The following CPT1C variants were observed in gnomAD, a reference collection of about 807,000 sequenced individuals.
CPT1C encodes the protein carnitine palmitoyltransferase 1C.
In CPT1C, 61 loss-of-function variants were observed where a neutral mutation model predicts 97.3. That is an observed-to-expected ratio of 0.63 (90% confidence interval 0.51 to 0.78). The LOEUF (loss-of-function observed/expected upper bound fraction) is 0.78, where lower values mean the gene tolerates loss of function less well. Among genes scored for constraint, CPT1C ranks in the 30% least tolerant of loss-of-function variants. CPT1C has a pLI of 0.00. For synonymous variants in CPT1C, 469 were observed against 447.2 expected, an observed-to-expected ratio of 1.05 and a Z score of -0.61; for missense variants, 975 against 1,065.5, an observed-to-expected ratio of 0.92 and a Z score of 1.18.
intron 5 of CPT1C, 43 bp from the exon 6 acceptor site, chr19:49,701,274 G>T: frequency 1.3e-6 from 2 of 1,551,450 alleles, no homozygotes; most frequent in Non-Finnish European, 8.8e-7. Flanking sequence ...CAACTCCCTG[G>T]CTCCGGTGAG....
chr19:49,699,894 C>T (rs1023821069), intron 4 of CPT1C, among the ~76,000 whole-genome samples: 2 of 152,070 alleles, frequency 1.3e-5, no homozygotes, highest in East Asian at 3.9e-4. Context: ...ATGGAGGTTG[C>T]AGTGAGCCGA....
At chr19:49,704,193 C>T (rs865778609) in intron 7 of CPT1C, among the ~76,000 whole-genome samples, 1 of 151,856 alleles carries the variant, frequency 6.6e-6, no homozygotes, top group Non-Finnish European at 1.5e-5. Context: ...TTGGGGGGGA[C>T]GGAGTTTCAC....
rs761851205 is a variant in CPT1C, at chr19:49,701,561, A to G, written c.620A>G (p.Gln207Arg). 2.2e-5 allele frequency: 35 copies of G among 1,611,970 alleles called. No homozygotes were observed. The highest frequency in any genetic ancestry group is 2.9e-5 in the Non-Finnish European group (34 of 1,178,960). The change falls in exon 7 of 20, where the codon CAG becomes CGG. Residue 207 changes from glutamine to arginine, a missense_variant. Physicochemically the swap from Gln to Arg is conservative, Grantham distance 43 (BLOSUM62 1). Around this residue, in one of 3 missense-constraint regions of CPT1C, gnomAD observed 596 missense variants for 603.1 expected, o/e 0.99. Coordinates refer to ENST00000598293, the MANE Select transcript of CPT1C (RefSeq NM_001199753.2). ...EDFDWTAVLA[Q>R]EFLRLQASLL... ...TTCGACTGGACCGCGGTCCTGGCGC[A>G]GGAATTCCTGAGGCTGCAGGCGTCG...
Position 49,704,838 on chromosome 19 carries a change from G to T in CPT1C, c.771+51G>T, listed in dbSNP as rs371889665. On this transcript the variant is annotated intron_variant, in intron 8 of 19. Coordinates refer to ENST00000598293, the MANE Select transcript of CPT1C (RefSeq NM_001199753.2). ...TAGGCCCCAGGTCTAGGGTTGGGGG[G>T]TACCTGGGCGGAATGTGACGGTCAT... is the stretch of plus-strand genomic sequence containing the variant. 2.6e-6 allele frequency: 4 copies of T among 1,544,546 alleles called. No homozygotes were observed. In the African/African-American group the frequency reaches 5.4e-5, roughly 21 times the overall value.
chr19:49,701,530 G>T lies in CPT1C; in HGVS notation c.589G>T (p.Glu197Ter), dbSNP rs749791796. The change falls in exon 7 of 20, where the codon GAG (glutamate) becomes TAG (stop). Residue 197 changes from glutamate to a stop codon, truncating the protein, a stop_gained. Coordinates refer to ENST00000598293, the MANE Select transcript of CPT1C (RefSeq NM_001199753.2). LOFTEE classifies it high-confidence loss of function. ...GTCGGTCCGGCCCATCCTCTCCGAC[G>T]AGGACTTCGACTGGACCGCGGTCCT... ...LESVRPILSD[E>*]DFDWTAVLAQ... 3.7e-6 allele frequency: 6 copies of T among 1,611,886 alleles called. No homozygotes were observed. In the African/African-American group the frequency reaches 6.7e-5, roughly 18 times the overall value.
intron 3 of CPT1C, 40 bp downstream of exon 3, chr19:49,692,433 G>A (rs1469745611): frequency 1.2e-6 from 2 of 1,608,348 alleles, no homozygotes; most frequent in Non-Finnish European, 1.7e-6. Flanking sequence ...CGGGGATCCA[G>A]GTTTCTGCTT....
In CPT1C at chr19:49,710,326, T is replaced by A; in HGVS notation, c.1573T>A (p.Ser525Thr). 2 of 1,613,890 alleles carry A rather than the reference T, an allele frequency of 1.2e-6. No homozygotes were observed. ...TTCCCTCCTCCTCTGGCAGATCCAC[T>A]CCTCCATCTCTCTAGCCCTGAGGGG... The part of the protein sequence containing the change: ...LQWDLPDQIH[S>T]SISLALRGAK... The change falls in exon 15 of 20, where the codon TCC becomes ACC. Residue 525 changes from serine (S) to threonine (T), a missense_variant. Ser to Thr is a moderately conservative substitution (Grantham distance 58). This residue lies in a region of CPT1C where 344 missense variants were observed against 395.7 expected (regional missense o/e 0.87). Coordinates refer to ENST00000598293, the MANE Select transcript of CPT1C (RefSeq NM_001199753.2).
rs371168897 is a variant in CPT1C, at chr19:49,710,388, C to A, written c.1635C>A (p.Val545=). The change falls in exon 15 of 20, where the codon GTC becomes GTA. Residue 545 remains valine, a synonymous_variant. Transcript: ENST00000598293. ...TGTCTGAAAATGTCGACTGCCATGTCGTTCCATTCTCCCTATTTGGCAAGA... is the reference window on the plus strand; with the variant it reads ...TGTCTGAAAATGTCGACTGCCATGTAGTTCCATTCTCCCTATTTGGCAAGA... The part of the protein sequence containing the change: ...KILSENVDCH[V]VPFSLFGKSF... 1.9e-6 allele frequency: 3 copies of A among 1,614,146 alleles called. No homozygotes were observed. The highest frequency in any genetic ancestry group is 3.3e-5 in the Admixed American group (2 of 60,000).
chr19:49,710,881 C>A, intron 16 of CPT1C, 24 bp downstream of exon 16: 1 of 1,592,730 alleles, frequency 6.3e-7, no homozygotes. Context: ...TCGCTTGAGG[C>A]TTCAGTTATT....
In CPT1C at chr19:49,713,009, T is replaced by A; in HGVS notation, c.2171T>A (p.Met724Lys). The A allele has an allele frequency of 1.2e-6, 2 of 1,614,092 alleles. No individual in the cohort carries two copies. The highest frequency in any genetic ancestry group is 1.7e-6 in the Non-Finnish European group (2 of 1,180,004). The change falls in exon 19 of 20, where the codon ATG (methionine) becomes AAG (lysine). Residue 724 changes from methionine (M) to lysine (K), a missense_variant. By Grantham distance (95) the Met-to-Lys change is moderately conservative. This residue lies in a region of CPT1C where 344 missense variants were observed against 395.7 expected (regional missense o/e 0.87). Transcript: ENST00000598293. Reference sequence around the variant, plus strand: ...GGTTATGGTGTTTCTTATATCTTCATGGGGGATGGCATGATCACCTTCCAC... The same window carrying A: ...GGTTATGGTGTTTCTTATATCTTCAAGGGGGATGGCATGATCACCTTCCAC... ...DHGYGVSYIFMGDGMITFHIS... is the reference protein window; with the variant it reads ...DHGYGVSYIFKGDGMITFHIS...
At chr19:49,710,574 T>G (rs1321538783) in intron 15 of CPT1C, 90 bp downstream of exon 15, 3 of 1,575,936 alleles carry the variant, frequency 1.9e-6, no homozygotes, top group African/African-American at 2.7e-5. Context: ...TTGTGGTCGC[T>G]GCCATTGTGG....
intron 7 of CPT1C, among the ~76,000 whole-genome samples, chr19:49,702,380 G>A (rs965560624): frequency 9.3e-5 from 14 of 150,960 alleles, no homozygotes; most frequent in African/African-American, 3.4e-4. Flanking sequence ...CAGGTTGCGA[G>A]GCCAAGGCAG....
In CPT1C at chr19:49,692,249, T is replaced by G. The variant is rs1316091085; in HGVS notation, c.-4T>G. Reference sequence around the variant, plus strand: ...CTCTGCCCGACTCAGGGCTCCAGCGTGACATGGCTGAAGCGCACCAGGCCG... The same window carrying G: ...CTCTGCCCGACTCAGGGCTCCAGCGGGACATGGCTGAAGCGCACCAGGCCG... On this transcript the variant is annotated 5_prime_UTR_variant, in exon 3 of 20. Coordinates refer to ENST00000598293, the MANE Select transcript of CPT1C (RefSeq NM_001199753.2). 6.2e-7 allele frequency: 1 copy of G among 1,613,488 alleles called. No homozygotes were observed. The highest frequency in any genetic ancestry group is 2.2e-5 in the East Asian group (1 of 44,876).
At chr19:49,709,581 G>A (rs2083722984) in intron 14 of CPT1C, among the ~76,000 whole-genome samples, 2 of 145,054 alleles carry the variant, frequency 1.4e-5, no homozygotes. Context: ...TTGAGATGGA[G>A]TCCCGCTCTG....
chr19:49,709,408 A>T (rs958734505), intron 14 of CPT1C, among the ~76,000 whole-genome samples: 2 of 149,816 alleles, frequency 1.3e-5, no homozygotes, highest in East Asian at 4.0e-4. Context: ...CCCATGCCCA[A>T]CTCGAATTCA....
At chr19:49,695,717 A>G (rs1010453737) in intron 3 of CPT1C, among the ~76,000 whole-genome samples, 7 of 148,666 alleles carry the variant, frequency 4.7e-5, no homozygotes, top group Non-Finnish European at 8.9e-5. Flanking sequence ...CCAAGTAGCT[A>G]GGACTACAGG....
chr19:49,713,480 C>T lies in CPT1C; in HGVS notation c.2287C>T (p.Gln763Ter), dbSNP rs2084054343. 1.9e-6 allele frequency: 3 copies of T among 1,614,236 alleles called. No individual in the cohort carries two copies. Among genetic ancestry groups the T allele is most frequent in the African/African-American group, 1.3e-5 (1 of 75,078 alleles). The change falls in exon 20 of 20, where the codon CAG (glutamine) becomes TAG (stop). Residue 763 changes from glutamine to a stop codon, truncating the protein, a stop_gained. Coordinates refer to ENST00000598293, the MANE Select transcript of CPT1C (RefSeq NM_001199753.2). LOFTEE classifies it low-confidence loss of function (END_TRUNC). ...ACTGCTGGATGTGGCCTCCCTGTTC[C>T]AGGCGGGACAGCATTTTAAGCGCCG... is the stretch of plus-strand genomic sequence containing the variant. ...DALLDVASLF[Q>*]AGQHFKRRFR... is the part of the protein sequence containing the mutation.
At chr19:49,696,741 T>G (rs892134565) in intron 3 of CPT1C, 1 of 152,442 alleles carries the variant, frequency 6.6e-6, no homozygotes, top group African/African-American at 2.4e-5. Context: ...CCAGCGATTC[T>G]CGTGCCTCAG....
intron 10 of CPT1C, 72 bp downstream of exon 10, chr19:49,705,370 C>T (rs45617640): frequency 0.087 from 111,791 of 1,281,200 alleles, 5,623 homozygotes; most frequent in South Asian, 0.14. Context: ...TTCTGGAGTC[C>T]GCCTGACTGA....
Sources: gnomAD v4.1 joint callset for allele counts (sites outside exome capture counted in the v4.1 genomes callset) on GRCh38, gnomAD v4.1.1 for gene constraint, gnomAD v4.1.1 regional missense constraint, MANE v1.5 for transcripts, NCBI Gene and HGNC (gene_info 2026-07-23, HGNC 2026-07-21) for gene names.